RBFOX1: variants seen among roughly 807,000 people sequenced by gnomAD.
RBFOX1 encodes the protein RNA binding protein fox-1 homolog 1.
A neutral mutation model predicts 57.7 loss-of-function variants in RBFOX1; 8 were observed. The ratio of observed to expected loss-of-function variants is 0.14; its 90% confidence interval spans 0.08 to 0.25. The LOEUF (loss-of-function observed/expected upper bound fraction) is 0.25. Ranked by LOEUF, RBFOX1 falls within the 10% of genes least tolerant of loss-of-function variation. The pLI is 1.00. For synonymous variants in RBFOX1, 326 were observed against 222.4 expected, an observed-to-expected ratio of 1.47 and a Z score of -4.15; for missense variants, 611 against 548.5, an observed-to-expected ratio of 1.11 and a Z score of -1.14.
At chr16:6,686,899 C>A (rs2059513742) in intron 3 of RBFOX1, among the ~76,000 whole-genome samples, 1 of 152,102 alleles carries the variant, frequency 6.6e-6, no homozygotes, top group South Asian at 2.1e-4. Context: ...CCAAGAAATG[C>A]TTTTGATTAA....
At chr16:7,449,985 A>C (rs947279141) in intron 4 of RBFOX1, among the ~76,000 whole-genome samples, 5 of 151,964 alleles carry the variant, frequency 3.3e-5, no homozygotes, top group Non-Finnish European at 5.9e-5. Flanking sequence ...AGGGAGGGAG[A>C]AGGGCACTCC....
chr16:6,393,571 C>G (rs1290292653), intron 2 of RBFOX1, among the ~76,000 whole-genome samples: 2 of 152,204 alleles, frequency 1.3e-5, no homozygotes, highest in Non-Finnish European at 2.9e-5. Context: ...CTGCACCCTT[C>G]TCAGTTCCCT....
chr16:7,550,445 C>T (rs764448153), intron 5 of RBFOX1, among the ~76,000 whole-genome samples: 5 of 152,074 alleles, frequency 3.3e-5, no homozygotes, highest in East Asian at 3.9e-4. Context: ...GCAGCAGAGC[C>T]GTGTTGTCCC....
At chr16:5,793,330 T>G (rs1309752932) in intron 3 of RBFOX1, among the ~76,000 whole-genome samples, 1 of 152,214 alleles carries the variant, frequency 6.6e-6, no homozygotes, top group African/African-American at 2.4e-5. Flanking sequence ...TTTCTGTCTT[T>G]TCTTGTTTTG....
At chr16:5,289,438 C>G in intron 1 of RBFOX1, 1 of 251,202 alleles carries the variant, frequency 4.0e-6, no homozygotes. Context: ...ATCAAATACA[C>G]ATTAGATTGT....
intron 2 of RBFOX1, among the ~76,000 whole-genome samples, chr16:5,493,654 T>C (rs1006945753): frequency 6.6e-6 from 1 of 152,200 alleles, no homozygotes; most frequent in South Asian, 2.1e-4. Context: ...CTGTCAAGAT[T>C]GATGGAGTAG....
chr16:6,524,449 T>C lies in RBFOX1; in HGVS notation c.-63-130154T>C, dbSNP rs188304992. On this transcript the variant is annotated intron_variant, in intron 2 of 15. Coordinates refer to ENST00000550418, the MANE Select transcript of RBFOX1 (RefSeq NM_018723.4). ...TTTATGGCAGCAGTGTTTACCGTAG[T>C]TCTACAAACTCACTTTCGAAGCGTG... Among the ~76,000 whole-genome samples, 6 of 152,342 alleles carry C rather than the reference T, an allele frequency of 3.9e-5. No individual in the cohort carries two copies. In the East Asian group the frequency reaches 5.8e-4, roughly 15 times the overall value.
chr16:5,315,787 C>G (rs2064220804), intron 1 of RBFOX1, among the ~76,000 whole-genome samples: 2 of 152,274 alleles, frequency 1.3e-5, no homozygotes, highest in South Asian at 4.1e-4. Flanking sequence ...GCTCTTCTCC[C>G]TTTGGTGAAG....
intron 3 of RBFOX1, among the ~76,000 whole-genome samples, chr16:6,992,095 G>T (rs1446030521): frequency 6.6e-6 from 1 of 152,154 alleles, no homozygotes; most frequent in African/African-American, 2.4e-5. Context: ...CCATTCCTTA[G>T]GGAGAACGGG....
chr16:7,353,342 G>C (rs536756386), intron 4 of RBFOX1, among the ~76,000 whole-genome samples: 11 of 152,262 alleles, frequency 7.2e-5, no homozygotes, highest in African/African-American at 2.6e-4. Context: ...GGAGAAATTG[G>C]AATGCACATA....
At position 6,895,436 on chromosome 16, in the gene RBFOX1, GTGTGTGTGTGTGTA is replaced by G. The variant is rs1189887810; in HGVS notation, c.-15-156619_-15-156606del. On this transcript the variant is annotated intron_variant, in intron 3 of 15. Coordinates refer to ENST00000550418, the MANE Select transcript of RBFOX1 (RefSeq NM_018723.4). ...GTAATATATGTGTGTGTGTGTGTGT[GTGTGTGTGTGTGTA>G]TATATATATATATATATATATATAT... 9.3e-5 allele frequency among the ~76,000 whole-genome samples: 8 copies of G among 85,774 alleles called. 1 individual carries two copies. The highest frequency in any genetic ancestry group is 3.2e-4 in the African/African-American group (8 of 25,122). 56.3% of individuals were successfully genotyped at this position (85,774 alleles called of 152,430 possible).
intron 4 of RBFOX1, among the ~76,000 whole-genome samples, chr16:7,265,901 G>C (rs565881991): frequency 2.0e-5 from 3 of 150,522 alleles, no homozygotes; most frequent in Non-Finnish European, 4.4e-5. Flanking sequence ...ATGGGAATGG[G>C]TTCTTCCTTG....
chr16:7,387,599 C>G (rs17143532), intron 4 of RBFOX1, among the ~76,000 whole-genome samples: 9,972 of 152,122 alleles, frequency 0.066, 1,134 homozygotes, highest in African/African-American at 0.23. Flanking sequence ...AGAGGTTCTT[C>G]GAATGTATGG....
intron 2 of RBFOX1, among the ~76,000 whole-genome samples, chr16:6,549,331 A>G (rs1459166797): frequency 1.4e-4 from 1 of 6,932 alleles, no homozygotes; most frequent in African/African-American, 6.8e-4. Context: ...AGGAGGGAGG[A>G]GGAGGGGTGG....
chr16:6,277,164 A>C (rs1000027403), intron 1 of RBFOX1, among the ~76,000 whole-genome samples: 2 of 152,192 alleles, frequency 1.3e-5, no homozygotes, highest in African/African-American at 4.8e-5. Context: ...TTGCATTATT[A>C]AAAAGTCAAT....
chr16:5,678,946 A>C (rs545095750), intron 3 of RBFOX1, among the ~76,000 whole-genome samples: 32 of 152,346 alleles, frequency 2.1e-4, no homozygotes, highest in Middle Eastern at 3.4e-3. Context: ...CGGAGGATGT[A>C]GGTACCTCAG....
At chr16:5,719,595 A>C in intron 3 of RBFOX1, among the ~76,000 whole-genome samples, 1 of 152,012 alleles carries the variant, frequency 6.6e-6, no homozygotes, top group South Asian at 2.1e-4. Context: ...CCTGGCAATT[A>C]CTAATCAATT....
chr16:7,473,434 A>G (rs2061974262), intron 4 of RBFOX1, among the ~76,000 whole-genome samples: 2 of 148,076 alleles, frequency 1.4e-5, no homozygotes. Context: ...AGTATATAAT[A>G]TATATTTTAT....
At chr16:6,312,240 A>T (rs1277883828) in intron 1 of RBFOX1, among the ~76,000 whole-genome samples, 1 of 152,132 alleles carries the variant, frequency 6.6e-6, no homozygotes, top group East Asian at 1.9e-4. Flanking sequence ...AAAAGTCAGG[A>T]GGTGTTCTAG....
Sources: allele counts gnomAD v4.1 joint callset (sites outside exome capture counted in the v4.1 genomes callset), GRCh38; gene constraint gnomAD v4.1.1; transcripts MANE v1.5; gene names NCBI Gene and HGNC (gene_info 2026-07-23, HGNC 2026-07-21).